CDC14B: variants seen among roughly 807,000 people sequenced by gnomAD.
The protein encoded by CDC14B is cell division cycle 14B, also known as dual specificity protein phosphatase CDC14B.
In CDC14B, 22 loss-of-function variants were observed where a neutral mutation model predicts 64.2. That is an observed-to-expected ratio of 0.34 (90% CI 0.24 to 0.49). The LOEUF (loss-of-function observed/expected upper bound fraction) is 0.49, where lower values mean the gene tolerates loss of function less well. Among genes scored for constraint, CDC14B ranks in the 20% least tolerant of loss-of-function variants. CDC14B has a pLI of 0.99. For missense variants in CDC14B, 498 were observed against 629.9 expected, an observed-to-expected ratio of 0.79 and a Z score of 2.24; for synonymous variants, 191 against 215.8, an observed-to-expected ratio of 0.89 and a Z score of 1.01.
intron 1 of CDC14B, chr9:96,566,708 C>T (rs1413147792): frequency 7.2e-6 from 11 of 1,527,402 alleles, no homozygotes; most frequent in Non-Finnish European, 9.8e-6. Context: ...CAGCACTGCC[C>T]GCCCTGTCCC....
At chr9:96,618,672 G>C in intron 1 of CDC14B, 1 of 513,242 alleles carries the variant, frequency 1.9e-6, no homozygotes, top group Non-Finnish European at 3.9e-6. Context: ...GCCCAGGAGA[G>C]GGGCTCGGGC....
intron 12 of CDC14B, among the ~76,000 whole-genome samples, chr9:96,516,192 C>T (rs927178647): frequency 6.6e-6 from 1 of 152,068 alleles, no homozygotes; most frequent in Admixed American, 6.5e-5. Flanking sequence ...CAAAAAAACA[C>T]AAAACCCCAG....
intron 12 of CDC14B, among the ~76,000 whole-genome samples, chr9:96,511,448 A>C (rs1468556739): frequency 6.6e-6 from 1 of 152,116 alleles, no homozygotes. Flanking sequence ...GCAGGTGCCT[A>C]TAATCCCAAC....
At chr9:96,513,738 C>T (rs932712898) in intron 12 of CDC14B, among the ~76,000 whole-genome samples, 1 of 152,232 alleles carries the variant, frequency 6.6e-6, no homozygotes, top group South Asian at 2.1e-4. Flanking sequence ...ACCACAAGAG[C>T]GTGCACAAAG....
At chr9:96,540,552 CA>C (rs1839904323) in intron 6 of CDC14B, among the ~76,000 whole-genome samples, 1 of 151,086 alleles carries the variant, frequency 6.6e-6, no homozygotes, top group Non-Finnish European at 1.5e-5. Context: ...ATGCAAATGG[CA>C]ATCTTTGACC....
At chr9:96,595,691 A>G (rs1034522880) in intron 1 of CDC14B, among the ~76,000 whole-genome samples, 6 of 152,240 alleles carry the variant, frequency 3.9e-5, no homozygotes, top group African/African-American at 1.4e-4. Context: ...TGCTGTATGA[A>G]AAGAAACCAG....
chr9:96,595,300 A>C (rs149178564), intron 1 of CDC14B, among the ~76,000 whole-genome samples: 13 of 152,324 alleles, frequency 8.5e-5, no homozygotes, highest in Middle Eastern at 3.4e-3. Context: ...AAAATATTTA[A>C]CACCCATGAA....
rs146600015 is a variant in CDC14B, at chr9:96,562,664, A to G, written c.420+29T>C. 3.3e-4 allele frequency: 475 copies of G among 1,423,248 alleles called. 4 individuals are homozygous for G. The African/African-American group carries it at 5.8e-3, about 17-fold the overall frequency. The allele number at this position is 1,423,248 out of a possible 1,614,324, so 88.2% of individuals were successfully genotyped here. ...AAGAACCACTGTTGTGTGCATTTTT[A>G]TGAATACATTAGGAAAACAAATACT... On this transcript the variant is annotated intron_variant, in intron 4 of 13. Transcript: ENST00000375241.
intron 1 of CDC14B, among the ~76,000 whole-genome samples, chr9:96,569,180 T>C (rs754858428): frequency 6.6e-6 from 1 of 152,218 alleles, no homozygotes; most frequent in African/African-American, 2.4e-5. Context: ...AAAATTACAC[T>C]GCTTCTAAAA....
intron 1 of CDC14B, among the ~76,000 whole-genome samples, chr9:96,605,572 CCT>C (rs1164040341): frequency 6.6e-6 from 1 of 152,228 alleles, no homozygotes; most frequent in Non-Finnish European, 1.5e-5. Context: ...TCCCCACTCC[CCT>C]GTGAGTGCTT....
intron 5 of CDC14B, among the ~76,000 whole-genome samples, chr9:96,547,157 GT>G (rs1007702811): frequency 4.1e-5 from 6 of 147,422 alleles, no homozygotes; most frequent in African/African-American, 7.4e-5. Context: ...TCAAGTGTTT[GT>G]TTTTTTTTTA....
intron 1 of CDC14B, among the ~76,000 whole-genome samples, chr9:96,615,253 C>A (rs1055454112): frequency 2.0e-5 from 3 of 152,068 alleles, no homozygotes; most frequent in African/African-American, 7.2e-5. Flanking sequence ...ATGAATGGCT[C>A]CGTGAGAGGT....
Position 96,576,887 on chromosome 9 carries a change from A to C in CDC14B, c.161-11404T>G, listed in dbSNP as rs75578560. 3.4e-3 allele frequency among the ~76,000 whole-genome samples: 517 copies of C among 152,324 alleles called. 2 individuals are homozygous for C. The highest frequency in any genetic ancestry group is 5.5e-3 in the Non-Finnish European group (377 of 68,028). Reference sequence around the variant, plus strand: ...TTCAGTTGTCATGTGTTAGGTCACAAGGAGATCTCAACAAATTCTGGAAAG... The same window carrying C: ...TTCAGTTGTCATGTGTTAGGTCACACGGAGATCTCAACAAATTCTGGAAAG... On this transcript the variant is annotated intron_variant, in intron 1 of 13. Transcript: ENST00000375241.
At chr9:96,616,855 A>T (rs1316600599) in intron 1 of CDC14B, among the ~76,000 whole-genome samples, 1 of 152,240 alleles carries the variant, frequency 6.6e-6, no homozygotes, top group Non-Finnish European at 1.5e-5. Context: ...CCACTTGCTG[A>T]GGACAGGCCT....
rs1365934794 is a variant in CDC14B at position 96,619,788 on chromosome 9, A to AGCAGGAC, written c.-417_-411dup. On this transcript the variant is annotated 5_prime_UTR_variant, in exon 1 of 14. The change creates a premature stop within an existing upstream ORF in the 5' untranslated region. Transcript: ENST00000375241. Reference sequence around the variant, plus strand: ...CGCTGCTGCGTAGGCGCCGGGGCACAGCAGGACGCGGCTCGTGGGGACCCC... The same window carrying AGCAGGAC: ...CGCTGCTGCGTAGGCGCCGGGGCACAGCAGGACGCAGGACGCGGCTCGTGGGGACCCC... 2.0e-5 allele frequency: 3 copies of AGCAGGAC among 151,886 alleles called. No homozygotes were observed. The highest frequency in any genetic ancestry group is 7.2e-5 in the African/African-American group (3 of 41,428). 9.4% of individuals were successfully genotyped at this position (151,886 alleles called of 1,614,324 possible).
At chr9:96,595,199 C>T (rs988972224) in intron 1 of CDC14B, among the ~76,000 whole-genome samples, 2 of 152,050 alleles carry the variant, frequency 1.3e-5, no homozygotes, top group African/African-American at 4.8e-5. Flanking sequence ...TCCAGGTCTG[C>T]CTAACAAATC....
rs569088333 is a variant in CDC14B at position 96,510,049 on chromosome 9, G to A, written c.1344-260C>T. Reference sequence around the variant, plus strand: ...GAAGGCGAATGACTTGGCATTTTAAGCAATTCCCACACCAAAGAAATCCAC... The same window carrying A: ...GAAGGCGAATGACTTGGCATTTTAAACAATTCCCACACCAAAGAAATCCAC... On this transcript the variant is annotated intron_variant, in intron 12 of 13. Transcript: ENST00000375241. 5.9e-5 allele frequency among the ~76,000 whole-genome samples: 9 copies of A among 152,326 alleles called. No homozygotes were observed. In the East Asian group the frequency reaches 1.3e-3, roughly 23 times the overall value.
At chr9:96,619,183 G>C in intron 1 of CDC14B, 36 bp downstream of exon 1, 7 of 1,233,142 alleles carry the variant, frequency 5.7e-6, no homozygotes, top group Admixed American at 8.6e-5. Context: ...GGGTGCGGCC[G>C]TCCGGGGCCC....
At chr9:96,503,827 T>A (rs1357798769) in intron 13 of CDC14B, 38 bp from the exon 14 acceptor site, 1 of 1,558,792 alleles carries the variant, frequency 6.4e-7, no homozygotes, top group Non-Finnish European at 8.8e-7. Context: ...CCAGAAAGTT[T>A]ACACAGCGTC....
Sources: gnomAD v4.1 joint callset for allele counts (sites outside exome capture counted in the v4.1 genomes callset) on GRCh38, gnomAD v4.1.1 for gene constraint, MANE v1.5 for transcripts, NCBI Gene and HGNC (gene_info 2026-07-23, HGNC 2026-07-21) for gene names.